ZC3H12C: variants seen among roughly 807,000 people sequenced by gnomAD.
ZC3H12C encodes probable ribonuclease ZC3H12C.
A neutral mutation model predicts 76.3 loss-of-function variants in ZC3H12C; 20 were observed. That is an observed-to-expected ratio of 0.26 (90% CI 0.18 to 0.38). ZC3H12C has a LOEUF of 0.38. Ranked by LOEUF, ZC3H12C falls within the 10% of genes least tolerant of loss-of-function variation. The pLI, the probability that ZC3H12C is intolerant of heterozygous loss-of-function variation, is 1.00. For missense variants in ZC3H12C, 874 were observed against 1,086.5 expected (o/e 0.80, Z 2.75); for synonymous variants, 352 against 399.6 (o/e 0.88, Z 1.42).
chr11:110,163,144 G>T, intron 4 of ZC3H12C, 129 bp from the exon 5 acceptor site: 1 of 649,602 alleles, frequency 1.5e-6, no homozygotes, highest in South Asian at 2.4e-5. Context: ...CTGTAAACGT[G>T]GAATCAAAAC....
intron 3 of ZC3H12C, among the ~76,000 whole-genome samples, chr11:110,155,724 A>G (rs1432006136): frequency 6.6e-6 from 1 of 152,180 alleles, no homozygotes; most frequent in East Asian, 1.9e-4. Context: ...ATATATACAC[A>G]TATATCAACA....
At chr11:110,152,036 C>T (rs964561897) in intron 2 of ZC3H12C, among the ~76,000 whole-genome samples, 12 of 152,126 alleles carry the variant, frequency 7.9e-5, no homozygotes, top group East Asian at 5.8e-4. Context: ...AAAATATCTC[C>T]GTTATAGATA....
intron 1 of ZC3H12C, among the ~76,000 whole-genome samples, chr11:110,118,032 A>ATATATATACACATATATAT (rs1565252540): frequency 6.6e-4 from 31 of 46,884 alleles, no homozygotes; most frequent in African/African-American, 1.7e-3. Context: ...CATATATATT[A>ATATATATACACATATATAT]TATATATATA....
chr11:110,165,924 T>C lies in ZC3H12C; in HGVS notation c.*187T>C, dbSNP rs961399499. ...ATGGTGGAAGTATCACGGGATTGCT[T>C]TACATTTAAACTTTTTTTTTTTAAC... On this transcript the variant is annotated 3_prime_UTR_variant, in exon 6 of 6. Transcript: ENST00000278590. 3 of 619,782 alleles carry C rather than the reference T, an allele frequency of 4.8e-6. No individual in the cohort carries two copies. The highest frequency in any genetic ancestry group is 4.0e-5 in the African/African-American group (2 of 49,576). 38.4% of individuals were successfully genotyped at this position (619,782 alleles called of 1,614,324 possible).
intron 1 of ZC3H12C, among the ~76,000 whole-genome samples, chr11:110,103,754 C>T (rs753581411): frequency 3.2e-4 from 48 of 151,922 alleles, no homozygotes; most frequent in Non-Finnish European, 5.0e-4. Context: ...TACAGGCGCC[C>T]GCCACCACAC....
chr11:110,144,848 TC>T (rs1039134956), intron 2 of ZC3H12C, among the ~76,000 whole-genome samples: 2 of 152,184 alleles, frequency 1.3e-5, no homozygotes, highest in Non-Finnish European at 2.9e-5. Context: ...TTTAGGTTTT[TC>T]CATGTTTTTC....
chr11:110,137,430 G>A lies in ZC3H12C; in HGVS notation c.773+16G>A, dbSNP rs769860920. On this transcript the variant is annotated intron_variant, in intron 2 of 5. Coordinates refer to ENST00000278590, the MANE Select transcript of ZC3H12C (RefSeq NM_033390.2). Reference sequence around the variant, plus strand: ...TGGCAATGAGGTAAGTGGAAAAATCGTTACTGAAAATTACTACCAAATAAT... The same window carrying A: ...TGGCAATGAGGTAAGTGGAAAAATCATTACTGAAAATTACTACCAAATAAT... 3.2e-5 allele frequency: 50 copies of A among 1,562,394 alleles called. No homozygotes were observed. Among genetic ancestry groups the A allele is most frequent in the South Asian group, 6.1e-5 (5 of 81,980 alleles).
chr11:110,164,235 C>T lies in ZC3H12C; in HGVS notation c.1256-106C>T. ...GAACAGAGTGACACTTAGCACAGCTCCCATTTCTATCGTTGTCTCTTCTAC... is the reference window on the plus strand; with the variant it reads ...GAACAGAGTGACACTTAGCACAGCTTCCATTTCTATCGTTGTCTCTTCTAC... On this transcript the variant is annotated intron_variant, in intron 5 of 5. Coordinates refer to ENST00000278590, the MANE Select transcript of ZC3H12C (RefSeq NM_033390.2). This position sits in a 1 kb window ranked among gnomAD's most constrained non-coding sequence, Gnocchi z 5.7. The T allele has an allele frequency of 2.0e-6, 2 of 1,005,494 alleles. No homozygotes were observed. Among genetic ancestry groups the T allele is most frequent in the Non-Finnish European group, 2.8e-6 (2 of 704,664 alleles). The allele number at this position is 1,005,494 out of a possible 1,614,324, so 62.3% of individuals were successfully genotyped here. A position where few individuals can be genotyped will look rare whatever the true frequency, so the allele number is the denominator to read the frequency against.
chr11:110,153,974 G>A (rs1295478378), intron 3 of ZC3H12C, among the ~76,000 whole-genome samples: 1 of 152,120 alleles, frequency 6.6e-6, no homozygotes, highest in Non-Finnish European at 1.5e-5. Flanking sequence ...TCTGCATCCA[G>A]TATTGACAAA....
intron 1 of ZC3H12C, among the ~76,000 whole-genome samples, chr11:110,129,855 A>T (rs1861828079): frequency 6.6e-6 from 1 of 152,108 alleles, no homozygotes; most frequent in African/African-American, 2.4e-5. Flanking sequence ...GGCCACTCCA[A>T]GTATAACTTA....
intron 1 of ZC3H12C, 113 bp downstream of exon 1, chr11:110,093,545 G>A (rs566785685): frequency 2.6e-6 from 2 of 777,812 alleles, no homozygotes; most frequent in Non-Finnish European, 3.3e-6. Flanking sequence ...GGAGGGCGCC[G>A]GGGCCGCAGC....
chr11:110,109,585 AATTT>A (rs1336704804), intron 1 of ZC3H12C, among the ~76,000 whole-genome samples: 2 of 151,772 alleles, frequency 1.3e-5, no homozygotes, highest in Middle Eastern at 3.2e-3. Flanking sequence ...TTTGCTTCCT[AATTT>A]ATTTATTTCT....
At chr11:110,159,665 A>G (rs898454070) in intron 4 of ZC3H12C, among the ~76,000 whole-genome samples, 175 bp downstream of exon 4, 2 of 152,166 alleles carry the variant, frequency 1.3e-5, no homozygotes, top group Non-Finnish European at 2.9e-5. Flanking sequence ...TCATTGCCAG[A>G]GGAGGCCCGG....
Position 110,136,839 on chromosome 11 carries a change from A to G in ZC3H12C, c.198A>G (p.Pro66=). 6.2e-7 allele frequency: 1 copy of G among 1,613,926 alleles called. No homozygotes were observed. Among genetic ancestry groups the G allele is most frequent in the Non-Finnish European group, 8.5e-7 (1 of 1,179,872 alleles). ...PAVPWSTVEN[P]SMDTVNVGKD... Reference sequence around the variant, plus strand: ...TACCTTGGTCAACAGTAGAAAACCCAAGTATGGATACCGTTAATGTGGGGA... The same window carrying G: ...TACCTTGGTCAACAGTAGAAAACCCGAGTATGGATACCGTTAATGTGGGGA... Residue 66 remains proline, a synonymous_variant, in exon 2 of 6, where the codon CCA becomes CCG. Coordinates refer to ENST00000278590, the MANE Select transcript of ZC3H12C (RefSeq NM_033390.2).
At chr11:110,130,952 A>G in intron 1 of ZC3H12C, 1 of 1,381,360 alleles carries the variant, frequency 7.2e-7, no homozygotes, top group Non-Finnish European at 9.8e-7. Flanking sequence ...CTGTTATTCC[A>G]CTCGGTAATA....
At chr11:110,130,164 A>T (rs1861834631) in intron 1 of ZC3H12C, among the ~76,000 whole-genome samples, 1 of 152,144 alleles carries the variant, frequency 6.6e-6, no homozygotes, top group South Asian at 2.1e-4. Flanking sequence ...AGTAAAAAAA[A>T]TTTTACACTG....
In ZC3H12C at chr11:110,164,432, C is replaced by G. The variant is rs1471090390; in HGVS notation, c.1347C>G (p.Ala449=). 4 of 1,614,008 alleles carry G rather than the reference C, an allele frequency of 2.5e-6. No individual in the cohort carries two copies. The highest frequency in any genetic ancestry group is 3.4e-6 in the Non-Finnish European group (4 of 1,179,894). Residue 449 remains alanine (A), a synonymous_variant, in exon 6 of 6, where the codon GCC becomes GCG. Coordinates refer to ENST00000278590, the MANE Select transcript of ZC3H12C (RefSeq NM_033390.2). This position sits in a 1 kb window ranked among gnomAD's most constrained non-coding sequence, Gnocchi z 5.7. ...PQRSVADELR[A]MSRNTAAKTA... ...GGTCAGTGGCTGATGAACTCCGTGC[C>G]ATGTCTAGAAATACGGCAGCCAAAA...
intron 1 of ZC3H12C, among the ~76,000 whole-genome samples, chr11:110,099,849 C>T (rs1490758506): frequency 1.1e-4 from 1 of 9,032 alleles, no homozygotes; most frequent in African/African-American, 5.0e-4. Flanking sequence ...CCTAATCCCC[C>T]AGTCCTACAC....
At chr11:110,130,923 C>A in intron 1 of ZC3H12C, 1 of 1,104,398 alleles carries the variant, frequency 9.1e-7, no homozygotes, top group Non-Finnish European at 1.3e-6. Context: ...TAATTGTGAG[C>A]TTTCTGGCCT....
Sources: gnomAD v4.1 joint callset for allele counts (sites outside exome capture counted in the v4.1 genomes callset) on GRCh38, gnomAD v4.1.1 for gene constraint, Gnocchi (gnomAD v3.1) non-coding constraint, MANE v1.5 for transcripts, NCBI Gene and HGNC (gene_info 2026-07-23, HGNC 2026-07-21) for gene names.